The following WWOX variants were observed in gnomAD, a reference collection of about 807,000 sequenced individuals.
WWOX encodes WW domain-containing oxidoreductase.
In WWOX, 69 loss-of-function variants were observed where a neutral mutation model predicts 46.2. That is an observed-to-expected ratio of 1.49 (90% CI 1.23 to 1.82). The LOEUF is 1.82. Ranked by LOEUF, WWOX falls within the 40% of genes most tolerant of loss-of-function variation. The pLI is 0.00. For synonymous variants in WWOX, 359 were observed against 202.6 expected (o/e 1.77, Z -6.56); for missense variants, 919 against 542.6 (o/e 1.69, Z -6.89).
At chr16:78,578,992 A>G (rs567116673) in intron 8 of WWOX, among the ~76,000 whole-genome samples, 15 of 152,304 alleles carry the variant, frequency 9.8e-5, no homozygotes, top group Admixed American at 7.8e-4. Flanking sequence ...AGAGGCAGTA[A>G]CATTAGTATT....
intron 5 of WWOX, among the ~76,000 whole-genome samples, chr16:78,318,042 A>G (rs535001281): frequency 1.2e-3 from 190 of 152,298 alleles, no homozygotes; most frequent in African/African-American, 4.3e-3. Context: ...ACCCTGGAGC[A>G]CAAAAGATCC....
rs141872393 is a variant in WWOX, at chr16:78,187,546, T to C, written c.516+23257T>C. Among the ~76,000 whole-genome samples the C allele has an allele frequency of 1.2e-3, 190 of 152,238 alleles. 1 individual carries two copies. The highest frequency in any genetic ancestry group is 4.3e-3 in the African/African-American group (177 of 41,546). On this transcript the variant is annotated intron_variant, in intron 5 of 8. Transcript: ENST00000566780. ...TGAACCGCGGAGGCAGAGATTGCAA[T>C]GAGCCGAGATCGCGCCACTGCACTC...
chr16:78,699,518 G>A (rs536896191), intron 8 of WWOX, among the ~76,000 whole-genome samples: 10 of 152,106 alleles, frequency 6.6e-5, no homozygotes, highest in Non-Finnish European at 4.4e-5. Context: ...CCACATGGGT[G>A]ACAGAGTGAG....
intron 5 of WWOX, among the ~76,000 whole-genome samples, chr16:78,360,402 T>C (rs2029951965): frequency 6.6e-6 from 1 of 151,962 alleles, no homozygotes; most frequent in Admixed American, 6.6e-5. Flanking sequence ...CCTGGTCAAA[T>C]AGTGAAATCC....
In WWOX at chr16:78,927,227, C is replaced by T. The variant is rs986631190; in HGVS notation, c.1057-284381C>T. Among the ~76,000 whole-genome samples, 3 of 152,194 alleles carry T rather than the reference C, an allele frequency of 2.0e-5. No homozygotes were observed. In the South Asian group the frequency reaches 6.2e-4, roughly 32 times the overall value. On this transcript the variant is annotated intron_variant, in intron 8 of 8. Coordinates refer to ENST00000566780, the MANE Select transcript of WWOX (RefSeq NM_016373.4). ...TACTCGTGAGCAGGATTTTCAATGC[C>T]TGGCTGGTTGTTACTTATCCATTTA...
intron 6 of WWOX, among the ~76,000 whole-genome samples, chr16:78,388,499 T>C (rs1013324749): frequency 4.0e-5 from 6 of 151,646 alleles, no homozygotes; most frequent in Admixed American, 2.0e-4. Flanking sequence ...TACAAAAAAT[T>C]AGCTGGGTGT....
intron 8 of WWOX, among the ~76,000 whole-genome samples, chr16:78,869,415 C>G (rs2044077853): frequency 6.6e-6 from 1 of 152,170 alleles, no homozygotes; most frequent in Non-Finnish European, 1.5e-5. Flanking sequence ...TCTTATTTGG[C>G]AATTGCCTGG....
intron 8 of WWOX, among the ~76,000 whole-genome samples, chr16:79,111,405 C>T (rs549816293): frequency 4.5e-4 from 68 of 152,228 alleles, no homozygotes; most frequent in African/African-American, 1.6e-3. Context: ...GGGTCTTTTG[C>T]CTAATCGTTT....
chr16:78,464,004 C>G (rs890046679), intron 8 of WWOX, among the ~76,000 whole-genome samples: 2 of 152,212 alleles, frequency 1.3e-5, no homozygotes, highest in African/African-American at 4.8e-5. Flanking sequence ...ATCTGGCGGT[C>G]AGAACCTAGG....
At chr16:79,149,065 C>G (rs1051526884) in intron 8 of WWOX, among the ~76,000 whole-genome samples, 1 of 152,054 alleles carries the variant, frequency 6.6e-6, no homozygotes, top group Non-Finnish European at 1.5e-5. Flanking sequence ...ACTTCCTGTG[C>G]TATGTTGAAC....
At chr16:78,510,747 ATG>A (rs2085341568) in intron 8 of WWOX, among the ~76,000 whole-genome samples, 1 of 137,702 alleles carries the variant, frequency 7.3e-6, no homozygotes, top group Admixed American at 7.5e-5. Flanking sequence ...TGATAAACAT[ATG>A]TGTGTATATT....
intron 8 of WWOX, among the ~76,000 whole-genome samples, chr16:78,927,917 C>G (rs906454070): frequency 6.6e-6 from 1 of 152,082 alleles, no homozygotes; most frequent in Non-Finnish European, 1.5e-5. Context: ...CCTAGCCATT[C>G]CTTTTGCTTA....
chr16:79,044,688 C>T (rs559426724), intron 8 of WWOX, among the ~76,000 whole-genome samples: 1 of 152,308 alleles, frequency 6.6e-6, no homozygotes, highest in Non-Finnish European at 1.5e-5. Context: ...TTCTTTATAG[C>T]AATGCAAGAA....
chr16:78,740,576 G>C (rs2049196079), intron 8 of WWOX, among the ~76,000 whole-genome samples: 1 of 152,200 alleles, frequency 6.6e-6, no homozygotes, highest in South Asian at 2.1e-4. Flanking sequence ...GTGGTGTGCA[G>C]AGAGCACTCG....
intron 8 of WWOX, among the ~76,000 whole-genome samples, chr16:78,606,429 G>C (rs554994824): frequency 3.9e-5 from 6 of 151,968 alleles, no homozygotes; most frequent in African/African-American, 1.4e-4. Context: ...ATGCTTTTCA[G>C]AAGTTGATGA....
intron 8 of WWOX, among the ~76,000 whole-genome samples, chr16:78,640,819 A>T (rs904419038): frequency 2.0e-5 from 3 of 151,920 alleles, no homozygotes; most frequent in Non-Finnish European, 4.4e-5. Context: ...TGTGCCTGTA[A>T]TCCCAGCTAT....
intron 5 of WWOX, among the ~76,000 whole-genome samples, chr16:78,185,074 T>C (rs2035654278): frequency 6.6e-6 from 1 of 152,148 alleles, no homozygotes; most frequent in Admixed American, 6.5e-5. Flanking sequence ...GGCTCAAAAG[T>C]GACTCCTGCC....
At chr16:78,334,814 A>G (rs534625505) in intron 5 of WWOX, among the ~76,000 whole-genome samples, 19,169 of 77,256 alleles carry the variant, frequency 0.25, 1,371 homozygotes, top group African/African-American at 0.3. Context: ...ACACGCACAC[A>G]CACACACACA....
intron 8 of WWOX, among the ~76,000 whole-genome samples, chr16:78,682,797 C>T (rs565834864): frequency 6.6e-6 from 1 of 152,318 alleles, no homozygotes; most frequent in African/African-American, 2.4e-5. Flanking sequence ...TTGCACCATT[C>T]ATTTGTCCAC....
Sources: allele counts gnomAD v4.1 joint callset (sites outside exome capture counted in the v4.1 genomes callset), GRCh38; gene constraint gnomAD v4.1.1; transcripts MANE v1.5; gene names NCBI Gene and HGNC (gene_info 2026-07-23, HGNC 2026-07-21).